The following XRCC4 variants were observed in gnomAD, a reference collection of about 807,000 sequenced individuals.
The protein encoded by XRCC4 is X-ray repair cross complementing 4, also known as DNA repair protein XRCC4.
XRCC4 carries 28 observed loss-of-function variants against 39.1 expected under a neutral mutation model. The observed-to-expected ratio is 0.72, with a 90% CI of 0.53 to 0.98. The LOEUF is 0.98. Ranked by LOEUF, XRCC4 falls within the 50% of genes least tolerant of loss-of-function variation. XRCC4 has a pLI of 0.00. For synonymous variants in XRCC4, 123 were observed against 126.4 expected, an observed-to-expected ratio of 0.97 and a Z score of 0.18; for missense variants, 350 against 376.4, an observed-to-expected ratio of 0.93 and a Z score of 0.58.
Position 83,130,755 on chromosome 5 carries a change from G to A in XRCC4, c.315+19552G>A, listed in dbSNP as rs145911633. 2.5e-3 allele frequency among the ~76,000 whole-genome samples: 388 copies of A among 152,220 alleles called. 3 individuals are homozygous for A. In the East Asian group the frequency reaches 0.029, roughly 11 times the overall value. On this transcript the variant is annotated intron_variant, in intron 3 of 7. Coordinates refer to ENST00000396027, the MANE Select transcript of XRCC4 (RefSeq NM_003401.5). ...CTTCTAGATTTTCTAGTTTATTTGC[G>A]AAGAGGTGTTTATAGTATTCTCTGA...
At chr5:83,247,042 A>C (rs894121729) in intron 6 of XRCC4, among the ~76,000 whole-genome samples, 1 of 152,210 alleles carries the variant, frequency 6.6e-6, no homozygotes, top group African/African-American at 2.4e-5. Flanking sequence ...TACAGATTTT[A>C]GAAAGGGAAG....
At chr5:83,231,967 C>T (rs538959521) in intron 6 of XRCC4, among the ~76,000 whole-genome samples, 4 of 152,068 alleles carry the variant, frequency 2.6e-5, no homozygotes, top group Non-Finnish European at 5.9e-5. Context: ...ATGTGTAATA[C>T]GGTGTTTTTA....
chr5:83,253,670 G>A (rs1258450043), intron 6 of XRCC4, among the ~76,000 whole-genome samples: 1 of 152,022 alleles, frequency 6.6e-6, no homozygotes, highest in Non-Finnish European at 1.5e-5. Context: ...AGATAATAAT[G>A]AAGGCCTTAT....
chr5:83,264,260 A>C (rs895817787), intron 7 of XRCC4, among the ~76,000 whole-genome samples: 1 of 152,132 alleles, frequency 6.6e-6, no homozygotes, highest in Non-Finnish European at 1.5e-5. Flanking sequence ...GACTATATCT[A>C]TTAAAGCTTT....
chr5:83,178,814 A>C (rs181023302), intron 3 of XRCC4, among the ~76,000 whole-genome samples: 1 of 152,292 alleles, frequency 6.6e-6, no homozygotes, highest in Non-Finnish European at 1.5e-5. Flanking sequence ...GTCTTGGGTT[A>C]CTTCTCCAGC....
chr5:83,234,300 TTA>T, intron 6 of XRCC4, among the ~76,000 whole-genome samples: 1 of 152,342 alleles, frequency 6.6e-6, no homozygotes, highest in Admixed American at 6.5e-5. Flanking sequence ...TATAAGTGGC[TTA>T]CTGCTGAAAT....
chr5:83,301,572 AG>A (rs201058113), intron 7 of XRCC4, among the ~76,000 whole-genome samples: 5,629 of 152,176 alleles, frequency 0.037, 333 homozygotes, highest in African/African-American at 0.13. Flanking sequence ...GAAGCTCTTT[AG>A]TTTAATTAGA....
intron 3 of XRCC4, among the ~76,000 whole-genome samples, chr5:83,149,039 T>C (rs1333653203): frequency 6.6e-6 from 1 of 152,174 alleles, no homozygotes; most frequent in African/African-American, 2.4e-5. Context: ...AGACCTTTGT[T>C]ATTGAATCAG....
chr5:83,088,955 T>G (rs1025881995), intron 1 of XRCC4, among the ~76,000 whole-genome samples: 3 of 152,220 alleles, frequency 2.0e-5, no homozygotes, highest in African/African-American at 7.2e-5. Flanking sequence ...AAAATTGATA[T>G]TAAGTTGTAG....
At chr5:83,245,660 C>T (rs969921498) in intron 6 of XRCC4, among the ~76,000 whole-genome samples, 8 of 151,626 alleles carry the variant, frequency 5.3e-5, no homozygotes, top group South Asian at 4.2e-4. Context: ...ATTTGATATC[C>T]GTATTTAAAA....
At chr5:83,300,580 C>CTTTTTTTT (rs70973390) in intron 7 of XRCC4, among the ~76,000 whole-genome samples, 1 of 122,092 alleles carries the variant, frequency 8.2e-6, no homozygotes. Flanking sequence ...GTGTGTGTCC[C>CTTTTTTTT]TTTTTTTTTT....
At chr5:83,242,119 C>A (rs1490119160) in intron 6 of XRCC4, among the ~76,000 whole-genome samples, 5 of 151,504 alleles carry the variant, frequency 3.3e-5, no homozygotes, top group Admixed American at 6.6e-5. Flanking sequence ...AATGGATCCT[C>A]ACAGTTCAAA....
chr5:83,092,392 T>G (rs11955349), intron 1 of XRCC4, among the ~76,000 whole-genome samples: 12,915 of 152,154 alleles, frequency 0.085, 1,702 homozygotes, highest in African/African-American at 0.28. Context: ...TTTGCTTTTG[T>G]TTCCTATGCT....
intron 3 of XRCC4, among the ~76,000 whole-genome samples, chr5:83,116,791 T>G (rs981786415): frequency 6.6e-6 from 1 of 151,954 alleles, no homozygotes; most frequent in African/African-American, 2.4e-5. Flanking sequence ...CCAGCTGATT[T>G]TTGTATTTTT....
intron 3 of XRCC4, among the ~76,000 whole-genome samples, chr5:83,191,837 G>T (rs1273813220): frequency 6.6e-6 from 1 of 152,196 alleles, no homozygotes; most frequent in African/African-American, 2.4e-5. Flanking sequence ...AACTCTAAGT[G>T]CATTAAACCC....
chr5:83,101,521 T>A (rs1745935523), intron 1 of XRCC4, among the ~76,000 whole-genome samples: 1 of 148,510 alleles, frequency 6.7e-6, no homozygotes, highest in African/African-American at 2.4e-5. Context: ...TTTAATTTCT[T>A]TTTTTTTTGT....
At position 83,210,981 on chromosome 5, in the gene XRCC4, G is replaced by A. The variant is rs900043475; in HGVS notation, c.745+6060G>A. 2.6e-5 allele frequency among the ~76,000 whole-genome samples: 4 copies of A among 152,030 alleles called. No homozygotes were observed. The East Asian group carries it at 5.8e-4, about 22-fold the overall frequency. On this transcript the variant is annotated intron_variant, in intron 6 of 7. Transcript: ENST00000396027. The stretch of plus-strand genomic sequence containing the variant: ...ATCTCTACATCTTTATATGTTTGGG[G>A]GGAGACAAAAATTATTTTAATGTTA...
chr5:83,258,872 A>C, intron 7 of XRCC4, 195 bp downstream of exon 7: 1 of 754,362 alleles, frequency 1.3e-6, no homozygotes, highest in Non-Finnish European at 2.0e-6. Flanking sequence ...TAAAGCTGAA[A>C]TGCTGAGAAC....
chr5:83,199,677 A>T (rs1751096372), intron 4 of XRCC4, among the ~76,000 whole-genome samples: 1 of 151,628 alleles, frequency 6.6e-6, no homozygotes, highest in South Asian at 2.1e-4. Context: ...TATTGTTTTG[A>T]CATGTTATTC....
Sources: gnomAD v4.1 joint callset for allele counts (sites outside exome capture counted in the v4.1 genomes callset) on GRCh38, gnomAD v4.1.1 for gene constraint, MANE v1.5 for transcripts, NCBI Gene and HGNC (gene_info 2026-07-23, HGNC 2026-07-21) for gene names.